The following COX17 variants were observed in gnomAD, a reference collection of about 807,000 sequenced individuals.
COX17 encodes cytochrome c oxidase copper chaperone.
COX17 carries 1 observed loss-of-function variant against 6.3 expected under a neutral mutation model. That is an observed-to-expected ratio of 0.16 (90% confidence interval 0.06 to 0.75). The LOEUF is 0.75. Among genes scored for constraint, COX17 ranks in the 30% least tolerant of loss-of-function variants. The pLI, the probability that COX17 is intolerant of heterozygous loss-of-function variation, is 0.77. For missense variants in COX17, 73 were observed against 81.2 expected, an observed-to-expected ratio of 0.90 and a Z score of 0.39; for synonymous variants, 26 against 30.5, an observed-to-expected ratio of 0.85 and a Z score of 0.49.
At chr3:119,665,344 G>A (rs2052984599), downstream of COX17, 1 of 152,166 alleles carries the variant, frequency 6.6e-6, no homozygotes, top group Non-Finnish European at 1.5e-5. Flanking sequence ...GAAGGGTAAA[G>A]AGCAGAAAAA....
At chr3:119,666,912 A>C (rs1478556470), downstream of COX17, 1 of 152,202 alleles carries the variant, frequency 6.6e-6, no homozygotes, top group South Asian at 2.1e-4. Flanking sequence ...ACCGGGCTTC[A>C]ACTTACCTCG....
intron 3 of COX17, among the ~76,000 whole-genome samples, chr3:119,664,228 A>G (rs1326724417): frequency 6.6e-6 from 1 of 152,190 alleles, no homozygotes; most frequent in East Asian, 1.9e-4. Flanking sequence ...CCTAACTAAA[A>G]TTCATGAGGT....
At chr3:119,676,757 T>C (rs1363148102) in intron 1 of COX17, 2 of 691,118 alleles carry the variant, frequency 2.9e-6, no homozygotes, top group Non-Finnish European at 5.3e-6. Flanking sequence ...CACTGGTTTA[T>C]GTCTCCATTA....
At chr3:119,667,598 G>C (rs2053003761), downstream of COX17, among the ~76,000 whole-genome samples, 1 of 150,512 alleles carries the variant, frequency 6.6e-6, no homozygotes, top group South Asian at 2.1e-4. Flanking sequence ...GAAGTGATTA[G>C]TAAAGGACAC....
chr3:119,676,548 C>G (rs1227156442), intron 1 of COX17, among the ~76,000 whole-genome samples: 1 of 152,192 alleles, frequency 6.6e-6, no homozygotes, highest in Non-Finnish European at 1.5e-5. Context: ...AATACTTTGT[C>G]CCCTGCGTCG....
rs115255369 is a variant in COX17 at position 119,676,498 on chromosome 3, C to T, written c.107+706G>A. On this transcript the variant is annotated intron_variant, in intron 1 of 2. Transcript: ENST00000261070. ...CAAGAGAGGCTATATAAAATGAGAA[C>T]AAATCTTTTGTGGATTGACAATCTA... Among the ~76,000 whole-genome samples, 222 of 152,288 alleles carry T rather than the reference C, an allele frequency of 1.5e-3. 1 individual carries two copies. The highest frequency in any genetic ancestry group is 5.1e-3 in the African/African-American group (211 of 41,554).
downstream of COX17, among the ~76,000 whole-genome samples, chr3:119,668,728 T>C (rs1056476241): frequency 3.3e-5 from 5 of 152,200 alleles, no homozygotes; most frequent in African/African-American, 9.6e-5. Flanking sequence ...ACTTTTCCCA[T>C]CACACAATGA....
Position 119,669,577 on chromosome 3 carries a change from A to G in COX17, c.*93T>C, listed in dbSNP as rs2053024052. 1 of 152,232 alleles carries G rather than the reference A, an allele frequency of 6.6e-6. No individual in the cohort carries two copies. Among genetic ancestry groups the G allele is most frequent in the Admixed American group, 6.5e-5 (1 of 15,272 alleles). 9.4% of individuals were successfully genotyped at this position (152,232 alleles called of 1,614,324 possible). A position where few individuals can be genotyped will look rare whatever the true frequency, so the allele number is the denominator to read the frequency against. Reference sequence around the variant, plus strand: ...TTTCTTCTTACAATAAATTATAAATACTTTTTCCACATATCAAAGTTCGTC... The same window carrying G: ...TTTCTTCTTACAATAAATTATAAATGCTTTTTCCACATATCAAAGTTCGTC... On this transcript the variant is annotated 3_prime_UTR_variant, in exon 3 of 3. Coordinates refer to ENST00000261070, the MANE Select transcript of COX17 (RefSeq NM_005694.2).
At chr3:119,669,761 G>T (rs2053026119) in intron 2 of COX17, 96 bp from the exon 3 acceptor site, 1 of 152,078 alleles carries the variant, frequency 6.6e-6, no homozygotes, top group African/African-American at 2.4e-5. Flanking sequence ...GAATGCCTCA[G>T]ATGAGTAATT....
At chr3:119,674,795 C>CTAAA (rs2053082147) in intron 2 of COX17, 1 of 133,480 alleles carries the variant, frequency 7.5e-6, no homozygotes. Flanking sequence ...GACCCTGTCT[C>CTAAA]AAAAAAAAAA....
downstream of COX17, among the ~76,000 whole-genome samples, chr3:119,667,511 T>G (rs903654787): frequency 3.3e-5 from 5 of 152,148 alleles, no homozygotes; most frequent in Non-Finnish European, 7.4e-5. Context: ...ATGGATATAT[T>G]TTTTCTAGAG....
downstream of COX17, among the ~76,000 whole-genome samples, chr3:119,668,933 C>G (rs1291351625): frequency 3.9e-5 from 6 of 152,082 alleles, no homozygotes; most frequent in African/African-American, 1.4e-4. Flanking sequence ...TAGCACTGAG[C>G]TGTTTGATTA....
chr3:119,665,632 C>T (rs1047591355), downstream of COX17, among the ~76,000 whole-genome samples: 1 of 152,176 alleles, frequency 6.6e-6, no homozygotes, highest in Non-Finnish European at 1.5e-5. Flanking sequence ...CCTCAGTCTC[C>T]CAAAGTGCTG....
At chr3:119,676,426 T>C (rs1478744970) in intron 1 of COX17, among the ~76,000 whole-genome samples, 7 of 152,230 alleles carry the variant, frequency 4.6e-5, no homozygotes, top group African/African-American at 9.6e-5. Context: ...GAGGAAGAGA[T>C]GCACATTCAC....
chr3:119,675,257 A>G, intron 1 of COX17, 24 bp from the exon 2 acceptor site: 1 of 1,508,616 alleles, frequency 6.6e-7, no homozygotes, highest in African/African-American at 1.4e-5. Context: ...TGTACTTGTT[A>G]TCTAAATATG....
downstream of COX17, chr3:119,669,466 T>C (rs1228647089): frequency 1.3e-5 from 2 of 152,152 alleles, no homozygotes. Flanking sequence ...TGTTGGTATA[T>C]ATCCTTTGGG....
At chr3:119,665,953 CA>C (rs1444095207), downstream of COX17, among the ~76,000 whole-genome samples, 1 of 152,178 alleles carries the variant, frequency 6.6e-6, no homozygotes, top group African/African-American at 2.4e-5. Context: ...AAAGTTTGAG[CA>C]AACTATGAGA....
At chr3:119,677,006 G>T in intron 1 of COX17, 198 bp downstream of exon 1, 1 of 426,554 alleles carries the variant, frequency 2.3e-6, no homozygotes, top group South Asian at 2.0e-5. Context: ...GCCGCAATGG[G>T]GCGGGGCGGG....
chr3:119,669,883 C>T (rs531801308), intron 2 of COX17, among the ~76,000 whole-genome samples: 1 of 152,174 alleles, frequency 6.6e-6, no homozygotes, highest in East Asian at 1.9e-4. Flanking sequence ...ATATTATTTA[C>T]TCTTTAAAAG....
Sources: allele counts gnomAD v4.1 joint callset (sites outside exome capture counted in the v4.1 genomes callset), GRCh38; gene constraint gnomAD v4.1.1; transcripts MANE v1.5; gene names NCBI Gene and HGNC (gene_info 2026-07-23, HGNC 2026-07-21).